The following RBFOX1 variants were observed in gnomAD, a reference collection of about 807,000 sequenced individuals.
RBFOX1 encodes RNA binding protein fox-1 homolog 1.
Under a neutral mutation model 57.7 loss-of-function variants are expected in RBFOX1, and 8 were observed. That is an observed-to-expected ratio of 0.14 (90% CI 0.08 to 0.25). RBFOX1 has a LOEUF of 0.25. Among genes scored for constraint, RBFOX1 ranks in the 10% least tolerant of loss-of-function variants. The probability of loss-of-function intolerance (pLI) is 1.00; values close to 1 mark genes in which losing one functional copy is unlikely to be tolerated. For synonymous variants in RBFOX1, 326 were observed against 222.4 expected, an observed-to-expected ratio of 1.47 and a Z score of -4.15; for missense variants, 611 against 548.5, an observed-to-expected ratio of 1.11 and a Z score of -1.14.
At chr16:5,389,293 C>T (rs1164860707) in intron 1 of RBFOX1, among the ~76,000 whole-genome samples, 3 of 152,216 alleles carry the variant, frequency 2.0e-5, no homozygotes, top group East Asian at 1.9e-4. Context: ...TTCTCAGCTT[C>T]TCTTCCTCCA....
chr16:7,705,383 T>TA (rs2082104253), intron 14 of RBFOX1, among the ~76,000 whole-genome samples: 1 of 152,088 alleles, frequency 6.6e-6, no homozygotes, highest in Middle Eastern at 3.4e-3. Flanking sequence ...CAGGTACCTG[T>TA]AGTCCCAGCT....
chr16:7,307,906 C>T (rs1391615859), intron 4 of RBFOX1, among the ~76,000 whole-genome samples: 5 of 152,186 alleles, frequency 3.3e-5, no homozygotes, highest in Admixed American at 3.3e-4. Flanking sequence ...CATGCTGTGT[C>T]TTCTTTGATG....
At chr16:6,931,759 T>G (rs1223879003) in intron 3 of RBFOX1, among the ~76,000 whole-genome samples, 2 of 152,208 alleles carry the variant, frequency 1.3e-5, no homozygotes, top group African/African-American at 2.4e-5. Context: ...GTGATCTGTT[T>G]CCTGTGGTCT....
At chr16:6,875,809 AGT>A (rs1385727435) in intron 3 of RBFOX1, among the ~76,000 whole-genome samples, 4 of 152,072 alleles carry the variant, frequency 2.6e-5, no homozygotes, top group African/African-American at 9.7e-5. Context: ...GTTCAAGACC[AGT>A]CTGGGGAACA....
At position 6,325,149 on chromosome 16, in the gene RBFOX1, A is replaced by T. The variant is rs1037902509; in HGVS notation, c.-64+8092A>T. 7.2e-5 allele frequency among the ~76,000 whole-genome samples: 11 copies of T among 152,246 alleles called. No individual in the cohort carries two copies. The East Asian group carries it at 1.7e-3, about 24-fold the overall frequency. On this transcript the variant is annotated intron_variant, in intron 2 of 15. Coordinates refer to ENST00000550418, the MANE Select transcript of RBFOX1 (RefSeq NM_018723.4). ...GGTGGGAGGATCACTTGAGACTAGGAGTTTAAGACCAGCCTGGGCAACATA... is the reference window on the plus strand; with the variant it reads ...GGTGGGAGGATCACTTGAGACTAGGTGTTTAAGACCAGCCTGGGCAACATA...
At chr16:6,206,704 A>T (rs1423595775) in intron 1 of RBFOX1, among the ~76,000 whole-genome samples, 2 of 152,174 alleles carry the variant, frequency 1.3e-5, no homozygotes, top group Non-Finnish European at 2.9e-5. Context: ...TATACTCATC[A>T]CCCAGCTTCC....
Position 7,407,479 on chromosome 16 carries a change from A to G in RBFOX1, c.28-110668A>G, listed in dbSNP as rs185267192. The stretch of plus-strand genomic sequence containing the variant: ...TACTAATTATTCTCAGACAGGTATG[A>G]TTATCATCAATCATATGCATCTTTG... On this transcript the variant is annotated intron_variant, in intron 4 of 15. Coordinates refer to ENST00000550418, the MANE Select transcript of RBFOX1 (RefSeq NM_018723.4). Among the ~76,000 whole-genome samples the G allele has an allele frequency of 7.9e-5, 12 of 152,070 alleles. No individual in the cohort carries two copies. In the East Asian group the frequency reaches 1.6e-3, roughly 20 times the overall value.
chr16:5,400,442 A>C (rs2066683912), intron 1 of RBFOX1, among the ~76,000 whole-genome samples: 1 of 152,076 alleles, frequency 6.6e-6, no homozygotes, highest in African/African-American at 2.4e-5. Context: ...TTAAAGCATA[A>C]ATACTTATTT....
At chr16:5,920,219 C>G (rs1166974892) in intron 4 of RBFOX1, among the ~76,000 whole-genome samples, 1 of 152,222 alleles carries the variant, frequency 6.6e-6, no homozygotes, top group Non-Finnish European at 1.5e-5. Context: ...CAGGCCTGAG[C>G]CACCACACCC....
chr16:5,646,647 T>A (rs1170151579), intron 3 of RBFOX1, among the ~76,000 whole-genome samples: 1 of 151,866 alleles, frequency 6.6e-6, no homozygotes, highest in Non-Finnish European at 1.5e-5. Context: ...TATTTTTTAT[T>A]TTTTTGAGAT....
intron 3 of RBFOX1, among the ~76,000 whole-genome samples, chr16:6,809,810 A>G (rs2087955125): frequency 6.6e-6 from 1 of 152,212 alleles, no homozygotes; most frequent in Admixed American, 6.5e-5. Context: ...CAAAAATCTT[A>G]TTCCAATTCT....
chr16:7,586,207 T>C (rs1197104246), intron 6 of RBFOX1, among the ~76,000 whole-genome samples: 1 of 152,246 alleles, frequency 6.6e-6, no homozygotes, highest in Non-Finnish European at 1.5e-5. Flanking sequence ...TACATGATTT[T>C]ACATTACCCT....
intron 3 of RBFOX1, among the ~76,000 whole-genome samples, chr16:6,947,329 T>C (rs1046271953): frequency 6.6e-6 from 1 of 152,178 alleles, no homozygotes; most frequent in African/African-American, 2.4e-5. Flanking sequence ...TAACAGTCTT[T>C]AAGAGATAAC....
intron 9 of RBFOX1, among the ~76,000 whole-genome samples, chr16:7,606,810 T>C (rs2095302899): frequency 6.6e-6 from 1 of 152,226 alleles, no homozygotes; most frequent in African/African-American, 2.4e-5. Flanking sequence ...TGAAGCACTT[T>C]GGAATTCTCT....
chr16:7,091,229 C>G (rs377000724), intron 4 of RBFOX1, among the ~76,000 whole-genome samples: 5 of 151,226 alleles, frequency 3.3e-5, no homozygotes, highest in East Asian at 1.9e-4. Flanking sequence ...TCTGTTTTTA[C>G]TTTAAGTTAA....
intron 3 of RBFOX1, among the ~76,000 whole-genome samples, chr16:5,626,785 A>G (rs553503814): frequency 6.6e-6 from 1 of 152,274 alleles, no homozygotes; most frequent in Non-Finnish European, 1.5e-5. Flanking sequence ...TTAAAAAAAA[A>G]AGCTCAACTC....
intron 3 of RBFOX1, among the ~76,000 whole-genome samples, chr16:5,682,282 C>T (rs112657501): frequency 6.6e-6 from 1 of 152,186 alleles, no homozygotes; most frequent in African/African-American, 2.4e-5. Context: ...CACCATTAAT[C>T]CCCTTTGTGG....
At chr16:7,217,636 G>GA (rs200852680) in intron 4 of RBFOX1, among the ~76,000 whole-genome samples, 11 of 149,752 alleles carry the variant, frequency 7.3e-5, no homozygotes, top group Non-Finnish European at 8.9e-5. Flanking sequence ...GCTTGAAAAG[G>GA]AAAAAAAAAT....
At chr16:5,598,786 T>G (rs1424262240) in intron 2 of RBFOX1, 33 of 750,048 alleles carry the variant, frequency 4.4e-5, no homozygotes, top group Non-Finnish European at 6.8e-5. Flanking sequence ...GAGGGTACTG[T>G]GGCTAAACGT....
Sources: allele counts gnomAD v4.1 joint callset (sites outside exome capture counted in the v4.1 genomes callset), GRCh38; gene constraint gnomAD v4.1.1; transcripts MANE v1.5; gene names NCBI Gene and HGNC (gene_info 2026-07-23, HGNC 2026-07-21).